ALCAM: variants seen among roughly 807,000 people sequenced by gnomAD.
The protein encoded by ALCAM is CD166 antigen.
A neutral mutation model predicts 70.9 loss-of-function variants in ALCAM; 30 were observed. The observed-to-expected ratio is 0.42, with a 90% CI of 0.32 to 0.57. The LOEUF is 0.57. Among genes scored for constraint, ALCAM ranks in the 20% least tolerant of loss-of-function variants. The pLI, the probability that ALCAM is intolerant of heterozygous loss-of-function variation, is 0.11. For missense variants in ALCAM, 591 were observed against 695.1 expected (o/e 0.85, Z 1.68); for synonymous variants, 249 against 242.5 (o/e 1.03, Z -0.25).
intron 1 of ALCAM, among the ~76,000 whole-genome samples, chr3:105,456,072 C>T (rs1937532437): frequency 6.6e-6 from 1 of 150,546 alleles, no homozygotes; most frequent in Non-Finnish European, 1.5e-5. Context: ...GAGAGAACTC[C>T]ATCTGAAACA....
At chr3:105,415,676 A>G (rs1490905680) in intron 1 of ALCAM, among the ~76,000 whole-genome samples, 1 of 152,024 alleles carries the variant, frequency 6.6e-6, no homozygotes, top group African/African-American at 2.4e-5. Flanking sequence ...TTCCTAAAAT[A>G]TTTGTTTTCT....
intron 12 of ALCAM, among the ~76,000 whole-genome samples, chr3:105,550,668 C>A (rs1452165351): frequency 1.3e-5 from 2 of 151,594 alleles, no homozygotes; most frequent in African/African-American, 2.4e-5. Context: ...CCTTCTAATT[C>A]TTTGTGGTAT....
chr3:105,497,049 A>G (rs992739837), intron 1 of ALCAM, among the ~76,000 whole-genome samples: 6 of 152,170 alleles, frequency 3.9e-5, no homozygotes, highest in African/African-American at 1.4e-4. Flanking sequence ...TTTTGAATCT[A>G]ATCAATGCAG....
chr3:105,510,500 G>A (rs973069013), intron 1 of ALCAM, among the ~76,000 whole-genome samples: 5 of 152,078 alleles, frequency 3.3e-5, no homozygotes, highest in Non-Finnish European at 5.9e-5. Flanking sequence ...AGACTTCACA[G>A]AGACTTTTTT....
intron 7 of ALCAM, among the ~76,000 whole-genome samples, chr3:105,540,564 G>C (rs936748174): frequency 2.6e-5 from 4 of 151,910 alleles, no homozygotes; most frequent in Admixed American, 6.6e-5. Context: ...GTATAATCTT[G>C]AAATGCCATT....
intron 1 of ALCAM, among the ~76,000 whole-genome samples, chr3:105,482,055 A>G (rs1204518016): frequency 6.6e-6 from 1 of 152,192 alleles, no homozygotes; most frequent in Non-Finnish European, 1.5e-5. Flanking sequence ...AATGAACAAA[A>G]GAGCCAAGAA....
At chr3:105,456,381 C>T (rs923815039) in intron 1 of ALCAM, among the ~76,000 whole-genome samples, 4 of 152,152 alleles carry the variant, frequency 2.6e-5, no homozygotes, top group Non-Finnish European at 5.9e-5. Flanking sequence ...TTGTCAATGA[C>T]AAAATGTAAA....
At chr3:105,371,034 T>G (rs1935216040) in intron 1 of ALCAM, among the ~76,000 whole-genome samples, 1 of 152,176 alleles carries the variant, frequency 6.6e-6, no homozygotes, top group Admixed American at 6.5e-5. Context: ...TTTTCTATTG[T>G]TTTAAAACTT....
intron 1 of ALCAM, among the ~76,000 whole-genome samples, chr3:105,379,436 A>C (rs1236129241): frequency 2.0e-5 from 3 of 151,900 alleles, no homozygotes; most frequent in African/African-American, 7.2e-5. Flanking sequence ...AAAACAAAAG[A>C]ACATAATTGA....
At chr3:105,510,997 T>G (rs1049299343) in intron 1 of ALCAM, among the ~76,000 whole-genome samples, 2 of 152,030 alleles carry the variant, frequency 1.3e-5, no homozygotes, top group African/African-American at 4.8e-5. Context: ...TTAGAAATGA[T>G]AAAACTACCT....
At chr3:105,389,372 T>TG (rs1935743130) in intron 1 of ALCAM, among the ~76,000 whole-genome samples, 1 of 7,554 alleles carries the variant, frequency 1.3e-4, no homozygotes, top group African/African-American at 6.8e-4. Flanking sequence ...ATATACATAG[T>TG]TTTTTTTTTT....
chr3:105,461,878 T>A (rs1050818772), intron 1 of ALCAM, among the ~76,000 whole-genome samples: 1 of 151,690 alleles, frequency 6.6e-6, no homozygotes, highest in African/African-American at 2.4e-5. Flanking sequence ...GTACAGTATA[T>A]GTTAATGCTG....
chr3:105,471,594 C>T (rs1343547471), intron 1 of ALCAM, among the ~76,000 whole-genome samples: 1 of 124,470 alleles, frequency 8.0e-6, no homozygotes. Context: ...GAAAATAATT[C>T]ATTTTGTGTT....
At chr3:105,452,842 CAT>C (rs1341457939) in intron 1 of ALCAM, among the ~76,000 whole-genome samples, 3 of 151,964 alleles carry the variant, frequency 2.0e-5, no homozygotes, top group Non-Finnish European at 4.4e-5. Flanking sequence ...AGCTTTTTTT[CAT>C]ATGTTTGTTG....
At chr3:105,548,927 AT>A in intron 11 of ALCAM, among the ~76,000 whole-genome samples, 1 of 151,626 alleles carries the variant, frequency 6.6e-6, no homozygotes, top group South Asian at 2.1e-4. Context: ...GGTACTGGTA[AT>A]ACAGACATAG....
chr3:105,539,256 A>G (rs960729633), intron 6 of ALCAM, among the ~76,000 whole-genome samples: 2 of 152,152 alleles, frequency 1.3e-5, no homozygotes, highest in Admixed American at 6.6e-5. Flanking sequence ...TTTGCTAGAT[A>G]TGGTTCACTG....
intron 1 of ALCAM, among the ~76,000 whole-genome samples, chr3:105,465,481 T>C (rs1203232995): frequency 6.6e-6 from 1 of 151,438 alleles, no homozygotes; most frequent in Non-Finnish European, 1.5e-5. Context: ...TAGTAAGGAT[T>C]GAAGGAATGG....
intron 1 of ALCAM, among the ~76,000 whole-genome samples, chr3:105,387,926 T>C (rs1265449931): frequency 6.6e-6 from 1 of 151,612 alleles, no homozygotes; most frequent in Non-Finnish European, 1.5e-5. Flanking sequence ...ATTTGCATTA[T>C]CTCTTTTTTT....
rs1940967721 is a variant in ALCAM, at chr3:105,576,687, T to C, written c.*2236T>C. 2.0e-5 allele frequency: 3 copies of C among 152,358 alleles called. No individual in the cohort carries two copies. The South Asian group carries it at 6.2e-4, about 32-fold the overall frequency. 9.4% of individuals were successfully genotyped at this position (152,358 alleles called of 1,614,324 possible). Reference sequence around the variant, plus strand: ...TAAAGAGGAAAGCTTACTTGTTTAATGGCAGCCACATGCACGAAGATGCTA... The same window carrying C: ...TAAAGAGGAAAGCTTACTTGTTTAACGGCAGCCACATGCACGAAGATGCTA... On this transcript the variant is annotated 3_prime_UTR_variant, in exon 16 of 16. Transcript: ENST00000306107.
Sources: allele counts gnomAD v4.1 joint callset (sites outside exome capture counted in the v4.1 genomes callset), GRCh38; gene constraint gnomAD v4.1.1; transcripts MANE v1.5; gene names NCBI Gene and HGNC (gene_info 2026-07-23, HGNC 2026-07-21).